The following GRM8 variants were observed in gnomAD, a reference collection of about 807,000 sequenced individuals.
GRM8 encodes metabotropic glutamate receptor 8.
In GRM8, 47 loss-of-function variants were observed where a neutral mutation model predicts 87.2. The ratio of observed to expected loss-of-function variants is 0.54; its 90% CI spans 0.43 to 0.69. The LOEUF is 0.69. GRM8 is among the 30% of genes least tolerant of loss of function. GRM8 has a pLI of 0.00. For synonymous variants in GRM8, 396 were observed against 404.5 expected (o/e 0.98, Z 0.25); for missense variants, 1,019 against 1,139.2 (o/e 0.89, Z 1.52).
At chr7:127,029,258 A>C (rs1398980368) in intron 3 of GRM8, among the ~76,000 whole-genome samples, 7 of 152,146 alleles carry the variant, frequency 4.6e-5, no homozygotes, top group Non-Finnish European at 8.8e-5. Flanking sequence ...ACTTCCAATT[A>C]TGTGGTCAAT....
chr7:126,699,072 C>T (rs542898583), intron 7 of GRM8, among the ~76,000 whole-genome samples: 1 of 152,258 alleles, frequency 6.6e-6, no homozygotes, highest in Admixed American at 6.5e-5. Context: ...CAAAGTTTAG[C>T]AATCACTAGA....
At chr7:126,463,171 A>G (rs1488151882) in intron 9 of GRM8, among the ~76,000 whole-genome samples, 1 of 151,628 alleles carries the variant, frequency 6.6e-6, no homozygotes, top group African/African-American at 2.4e-5. Context: ...ATGAAGAGAC[A>G]TCAGGGGATG....
intron 2 of GRM8, among the ~76,000 whole-genome samples, chr7:127,174,541 C>T (rs879033267): frequency 2.6e-5 from 4 of 152,134 alleles, no homozygotes; most frequent in African/African-American, 4.8e-5. Context: ...TCTACCTATG[C>T]GTTTTTTCAA....
At chr7:126,931,349 A>C (rs1444018166) in intron 3 of GRM8, among the ~76,000 whole-genome samples, 1 of 152,206 alleles carries the variant, frequency 6.6e-6, no homozygotes, top group Non-Finnish European at 1.5e-5. Context: ...GGTAATCTCT[A>C]GGGGCTTATG....
intron 2 of GRM8, among the ~76,000 whole-genome samples, chr7:127,146,912 A>T (rs1828583898): frequency 6.6e-6 from 1 of 152,048 alleles, no homozygotes; most frequent in Non-Finnish European, 1.5e-5. Flanking sequence ...CAAAGAAAGG[A>T]TCTCCAACTT....
intron 6 of GRM8, among the ~76,000 whole-genome samples, chr7:126,858,678 A>C (rs993717614): frequency 6.6e-6 from 1 of 151,644 alleles, no homozygotes; most frequent in Non-Finnish European, 1.5e-5. Flanking sequence ...CTGTCTCCCT[A>C]CTCCCGCCCT....
chr7:127,153,367 GT>G (rs1792524272), intron 2 of GRM8, among the ~76,000 whole-genome samples: 1 of 152,114 alleles, frequency 6.6e-6, no homozygotes, highest in African/African-American at 2.4e-5. Context: ...AGCACAAGGA[GT>G]ATGAGAATGT....
intron 3 of GRM8, among the ~76,000 whole-genome samples, chr7:127,074,449 C>A (rs537962618): frequency 4.6e-4 from 70 of 152,276 alleles, no homozygotes; most frequent in African/African-American, 1.7e-3. Context: ...GCTGCTCCTC[C>A]TCTGGGGACA....
At chr7:127,006,691 AT>A (rs2132074226) in intron 3 of GRM8, among the ~76,000 whole-genome samples, 1 of 151,812 alleles carries the variant, frequency 6.6e-6, no homozygotes, top group South Asian at 2.1e-4. Flanking sequence ...ATTCTCTGGC[AT>A]TTTCTTTTTT....
At chr7:127,191,909 A>T (rs966702398) in intron 2 of GRM8, among the ~76,000 whole-genome samples, 4 of 152,132 alleles carry the variant, frequency 2.6e-5, no homozygotes, top group African/African-American at 9.7e-5. Flanking sequence ...TACCGCATTA[A>T]ATTGATTTAG....
chr7:126,861,886 C>A (rs1037230609), intron 6 of GRM8, among the ~76,000 whole-genome samples: 1 of 151,740 alleles, frequency 6.6e-6, no homozygotes, highest in African/African-American at 2.4e-5. Context: ...GGCCTTTTAG[C>A]TTTTTATTTT....
Position 127,243,408 on chromosome 7 carries a change from AG to A in GRM8, c.-205del. ...TAAGGTTCAATTTTATTTCCTTATA[AG>A]ATCAACTTGCCTGGAATGGTGCAAA... is the stretch of plus-strand genomic sequence containing the variant. On this transcript the variant is annotated 5_prime_UTR_variant, in exon 2 of 11. Transcript: ENST00000339582. 1 of 555,596 alleles carries A rather than the reference AG, an allele frequency of 1.8e-6. No homozygotes were observed. Among genetic ancestry groups the A allele is most frequent in the South Asian group, 2.7e-5 (1 of 37,478 alleles). 34.4% of individuals were successfully genotyped at this position (555,596 alleles called of 1,614,324 possible). A position where few individuals can be genotyped will look rare whatever the true frequency, so the allele number is the denominator to read the frequency against.
In GRM8 at chr7:126,579,567, T is replaced by C. The variant is rs1562972134; in HGVS notation, c.1494+29795A>G. Among the ~76,000 whole-genome samples the C allele has an allele frequency of 3.9e-5, 6 of 152,212 alleles. No individual in the cohort carries two copies. The South Asian group carries it at 1.2e-3, about 32-fold the overall frequency. On this transcript the variant is annotated intron_variant, in intron 8 of 10. Coordinates refer to ENST00000339582, the MANE Select transcript of GRM8 (RefSeq NM_000845.3). ...ACCTGACAAGTAGGCTTTGCTCTGA[T>C]GCAGGCAGAACATGTCATCATTGTC...
At chr7:126,472,535 A>T (rs1805397984) in intron 9 of GRM8, among the ~76,000 whole-genome samples, 2 of 152,194 alleles carry the variant, frequency 1.3e-5, no homozygotes, top group South Asian at 4.1e-4. Flanking sequence ...ATTGAAACTT[A>T]TACTTAAAAT....
chr7:127,069,593 G>A (rs1049808263), intron 3 of GRM8, among the ~76,000 whole-genome samples: 1 of 152,226 alleles, frequency 6.6e-6, no homozygotes, highest in Non-Finnish European at 1.5e-5. Context: ...GGACAAAGCA[G>A]ATGAGAGAAC....
chr7:127,237,930 G>T (rs1798070481), intron 2 of GRM8, among the ~76,000 whole-genome samples: 1 of 152,154 alleles, frequency 6.6e-6, no homozygotes, highest in Admixed American at 6.5e-5. Flanking sequence ...TAATCAATTT[G>T]CTTTAATTTA....
At chr7:126,591,763 AG>A (rs2151044320) in intron 8 of GRM8, among the ~76,000 whole-genome samples, 1 of 151,754 alleles carries the variant, frequency 6.6e-6, no homozygotes, top group East Asian at 2.0e-4. Flanking sequence ...AGTAGAAGGA[AG>A]GAAAAAAAAA....
chr7:126,622,533 C>T (rs956089644), intron 7 of GRM8, among the ~76,000 whole-genome samples: 2 of 152,140 alleles, frequency 1.3e-5, no homozygotes, highest in Non-Finnish European at 1.5e-5. Flanking sequence ...TCATATTCTC[C>T]CATCCCTCCT....
intron 8 of GRM8, among the ~76,000 whole-genome samples, chr7:126,608,930 A>AT (rs894525211): frequency 5.9e-5 from 9 of 151,660 alleles, no homozygotes; most frequent in East Asian, 3.9e-4. Context: ...CCCCTGGCTA[A>AT]TTTTTTTTGT....
Sources: gnomAD v4.1 joint callset for allele counts (sites outside exome capture counted in the v4.1 genomes callset) on GRCh38, gnomAD v4.1.1 for gene constraint, MANE v1.5 for transcripts, NCBI Gene and HGNC (gene_info 2026-07-23, HGNC 2026-07-21) for gene names.